The following PCDH7 variants were observed in gnomAD, a reference collection of about 807,000 sequenced individuals.
PCDH7 encodes the protein protocadherin 7.
Under a neutral mutation model 58.9 loss-of-function variants are expected in PCDH7, and 17 were observed. The observed-to-expected ratio is 0.29, with a 90% confidence interval of 0.20 to 0.43. PCDH7 has a LOEUF of 0.43. Ranked by LOEUF, PCDH7 falls within the 20% of genes least tolerant of loss-of-function variation. PCDH7 has a pLI of 1.00. For synonymous variants in PCDH7, 664 were observed against 616.4 expected (o/e 1.08, Z -1.14); for missense variants, 1,274 against 1,441.0 (o/e 0.88, Z 1.88).
At chr4:31,053,560 T>G (rs936390731) in intron 3 of PCDH7, among the ~76,000 whole-genome samples, 1 of 152,082 alleles carries the variant, frequency 6.6e-6, no homozygotes, top group Non-Finnish European at 1.5e-5. Context: ...CACAGTGAGA[T>G]CCTGTCCCTA....
chr4:31,008,111 G>A (rs947939413), intron 3 of PCDH7, among the ~76,000 whole-genome samples: 2 of 151,922 alleles, frequency 1.3e-5, no homozygotes. Flanking sequence ...AAGACAGAAG[G>A]CAGACACTCT....
intron 3 of PCDH7, among the ~76,000 whole-genome samples, chr4:31,056,446 G>GAA (rs1255454126): frequency 5.5e-5 from 2 of 36,194 alleles, no homozygotes; most frequent in Non-Finnish European, 8.4e-5. Flanking sequence ...AAGAAGGAAA[G>GAA]AAAGAAAGAA....
intron 3 of PCDH7, among the ~76,000 whole-genome samples, chr4:31,018,590 A>T (rs1443479712): frequency 6.6e-6 from 1 of 152,202 alleles, no homozygotes; most frequent in Non-Finnish European, 1.5e-5. Flanking sequence ...TTCCTGTAAG[A>T]TTTGACATAA....
intron 1 of PCDH7, among the ~76,000 whole-genome samples, chr4:30,901,136 A>G (rs1560483775): frequency 1.3e-5 from 2 of 152,182 alleles, no homozygotes; most frequent in Non-Finnish European, 2.9e-5. Flanking sequence ...AGCCATTTTC[A>G]CAGAGTAAAT....
chr4:31,142,699 CA>C, exon 4 of PCDH7: 1 of 1,367,710 alleles, frequency 7.3e-7, no homozygotes, highest in Non-Finnish European at 9.8e-7. Flanking sequence ...ACCTCCTGAA[CA>C]AAAAGTTGAC....
intron 3 of PCDH7, among the ~76,000 whole-genome samples, chr4:31,111,087 G>A (rs1716241862): frequency 6.6e-6 from 1 of 152,000 alleles, no homozygotes; most frequent in Non-Finnish European, 1.5e-5. Context: ...AGAATACTGT[G>A]ATTGAGGGTA....
intron 3 of PCDH7, among the ~76,000 whole-genome samples, chr4:31,007,144 C>T (rs1301889303): frequency 1.3e-5 from 2 of 152,188 alleles, no homozygotes; most frequent in Non-Finnish European, 2.9e-5. Context: ...GACAAAATGA[C>T]TCTCCTACAT....
chr4:30,781,645 T>C (rs1414093538), intron 1 of PCDH7, among the ~76,000 whole-genome samples: 1 of 150,674 alleles, frequency 6.6e-6, no homozygotes, highest in Non-Finnish European at 1.5e-5. Context: ...CAAGCGATTC[T>C]CCTGCCTCAG....
intron 1 of PCDH7, among the ~76,000 whole-genome samples, chr4:30,787,410 A>T (rs994768297): frequency 6.6e-6 from 1 of 152,098 alleles, no homozygotes; most frequent in Non-Finnish European, 1.5e-5. Context: ...GAAAGTGAGA[A>T]TCTAGTGAAC....
downstream of PCDH7, among the ~76,000 whole-genome samples, chr4:30,735,668 G>A (rs1716150164): frequency 6.6e-6 from 1 of 152,116 alleles, no homozygotes; most frequent in Non-Finnish European, 1.5e-5. Context: ...GGTAACCTTG[G>A]GTAGCTTAGA....
At chr4:30,740,854 G>A (rs1183210406) in intron 1 of PCDH7, among the ~76,000 whole-genome samples, 3 of 148,784 alleles carry the variant, frequency 2.0e-5, no homozygotes, top group Admixed American at 6.8e-5. Context: ...CTTATTAAAA[G>A]CATTTATATA....
At chr4:31,134,959 G>A (rs550005561) in intron 3 of PCDH7, among the ~76,000 whole-genome samples, 1 of 152,216 alleles carries the variant, frequency 6.6e-6, no homozygotes, top group South Asian at 2.1e-4. Flanking sequence ...CAGCTTCAAG[G>A]GATGCAAAAT....
intron 3 of PCDH7, among the ~76,000 whole-genome samples, chr4:31,059,901 C>A (rs1472283203): frequency 6.6e-6 from 1 of 151,674 alleles, no homozygotes; most frequent in African/African-American, 2.4e-5. Flanking sequence ...ATCATCTAAT[C>A]TATGTTCATT....
chr4:30,737,533 C>CAT (rs993716340), downstream of PCDH7, among the ~76,000 whole-genome samples: 1 of 115,710 alleles, frequency 8.6e-6, no homozygotes, highest in African/African-American at 3.0e-5. Flanking sequence ...CGTATGTATA[C>CAT]ATATGTGTGT....
intron 3 of PCDH7, among the ~76,000 whole-genome samples, chr4:31,141,306 T>C (rs1362342656): frequency 6.6e-6 from 1 of 152,216 alleles, no homozygotes; most frequent in East Asian, 1.9e-4. Flanking sequence ...AATTCGTCAG[T>C]CTTTAAGTCC....
chr4:30,991,088 C>A (rs182027548), intron 3 of PCDH7, among the ~76,000 whole-genome samples: 1 of 152,212 alleles, frequency 6.6e-6, no homozygotes, highest in African/African-American at 2.4e-5. Flanking sequence ...ACACCGGGTT[C>A]TTTCCATCTA....
chr4:31,012,386 T>G (rs979833028), intron 3 of PCDH7, among the ~76,000 whole-genome samples: 13 of 151,030 alleles, frequency 8.6e-5, no homozygotes, highest in African/African-American at 3.1e-4. Flanking sequence ...ATGTCTCAAT[T>G]TTCATTACAA....
chr4:31,112,097 T>C (rs1329525335), intron 3 of PCDH7, among the ~76,000 whole-genome samples: 2 of 152,222 alleles, frequency 1.3e-5, no homozygotes, highest in African/African-American at 4.8e-5. Context: ...AACTGAGATA[T>C]TTATTTTTCT....
intron 1 of PCDH7, among the ~76,000 whole-genome samples, chr4:30,869,616 T>C (rs1365626604): frequency 6.6e-6 from 1 of 152,186 alleles, no homozygotes; most frequent in Admixed American, 6.5e-5. Flanking sequence ...CATGAACCCA[T>C]CCTTTTTTAT....
Sources: gnomAD v4.1 joint callset for allele counts (sites outside exome capture counted in the v4.1 genomes callset) on GRCh38, gnomAD v4.1.1 for gene constraint, MANE v1.5 for transcripts, NCBI Gene and HGNC (gene_info 2026-07-23, HGNC 2026-07-21) for gene names.